Variants in CD2AP observed in about 807,000 individuals in gnomAD.
CD2AP encodes the protein CD2 associated protein.
In CD2AP, 46 loss-of-function variants were observed where a neutral mutation model predicts 85.1. That is an observed-to-expected ratio of 0.54 (90% confidence interval 0.43 to 0.69). The LOEUF is 0.69. CD2AP is among the 30% of genes least tolerant of loss of function. The pLI is 0.00. For synonymous variants in CD2AP, 255 were observed against 252.9 expected (o/e 1.01, Z -0.08); for missense variants, 769 against 729.5 (o/e 1.05, Z -0.62).
intron 11 of CD2AP, among the ~76,000 whole-genome samples, chr6:47,590,474 C>T (rs1367278028): frequency 1.3e-5 from 2 of 152,030 alleles, no homozygotes; most frequent in Admixed American, 6.6e-5. Context: ...ATATGGTTGA[C>T]TCTTGAACAA....
In CD2AP at chr6:47,540,953, G is replaced by GT. The variant is rs761464567; in HGVS notation, c.320-3652dup. On this transcript the variant is annotated intron_variant, in intron 3 of 17. Transcript: ENST00000359314. The stretch of plus-strand genomic sequence containing the variant: ...AAGGTCACTGGAACAACTTGCAAAG[G>GT]TATTTAGGGACACTATATTTCAAGA... Among the ~76,000 whole-genome samples, 6 of 152,270 alleles carry GT rather than the reference G, an allele frequency of 3.9e-5. No homozygotes were observed. In the East Asian group the frequency reaches 7.7e-4, roughly 20 times the overall value.
intron 4 of CD2AP, among the ~76,000 whole-genome samples, chr6:47,545,701 G>C (rs1767347726): frequency 6.6e-6 from 1 of 152,206 alleles, no homozygotes; most frequent in African/African-American, 2.4e-5. Flanking sequence ...GGGACTCTGT[G>C]CAGACAACCC....
intron 6 of CD2AP, 66 bp downstream of exon 6, chr6:47,574,317 A>G: frequency 6.9e-7 from 1 of 1,451,254 alleles, no homozygotes; most frequent in Non-Finnish European, 9.7e-7. Flanking sequence ...TTAAAATGTA[A>G]AAGTCAGTTT....
chr6:47,510,688 A>C (rs962937942), intron 2 of CD2AP, among the ~76,000 whole-genome samples: 1 of 152,354 alleles, frequency 6.6e-6, no homozygotes, highest in Non-Finnish European at 1.5e-5. Context: ...AATTGAAACA[A>C]AAATTCCAAG....
intron 3 of CD2AP, among the ~76,000 whole-genome samples, chr6:47,542,017 A>G (rs558193969): frequency 6.6e-6 from 1 of 152,360 alleles, no homozygotes; most frequent in African/African-American, 2.4e-5. Flanking sequence ...TTGCTCTAGA[A>G]TATCTGCCAC....
At chr6:47,593,383 A>G (rs1486891174) in intron 11 of CD2AP, among the ~76,000 whole-genome samples, 1 of 152,142 alleles carries the variant, frequency 6.6e-6, no homozygotes, top group Non-Finnish European at 1.5e-5. Flanking sequence ...TTAACAACAA[A>G]AAGACAAACC....
intron 13 of CD2AP, among the ~76,000 whole-genome samples, chr6:47,605,066 T>G (rs902890325): frequency 2.6e-5 from 4 of 152,050 alleles, no homozygotes; most frequent in African/African-American, 9.7e-5. Flanking sequence ...TCTTTAGATC[T>G]TTTTAAAGAA....
chr6:47,589,551 T>TACACACAC (rs112763182), intron 11 of CD2AP, among the ~76,000 whole-genome samples: 1 of 130,884 alleles, frequency 7.6e-6, no homozygotes, highest in Non-Finnish European at 1.7e-5. Flanking sequence ...CACATATATA[T>TACACACAC]ACACACACAC....
At position 47,625,443 on chromosome 6, in the gene CD2AP, C is replaced by A. The variant is rs960518566; in HGVS notation, c.*1216C>A. 1 of 151,856 alleles carries A rather than the reference C, an allele frequency of 6.6e-6. No individual in the cohort carries two copies. Among genetic ancestry groups the A allele is most frequent in the Non-Finnish European group, 1.5e-5 (1 of 67,800 alleles). 9.4% of individuals were successfully genotyped at this position (151,856 alleles called of 1,614,324 possible). A position where few individuals can be genotyped will look rare whatever the true frequency, so the allele number is the denominator to read the frequency against. The stretch of plus-strand genomic sequence containing the variant: ...TGAACATATTTAAAATACATTTTCA[C>A]AGAATGGATGAATTAGTTGTTTCTT... On this transcript the variant is annotated 3_prime_UTR_variant, in exon 18 of 18. Coordinates refer to ENST00000359314, the MANE Select transcript of CD2AP (RefSeq NM_012120.3).
At chr6:47,589,403 TAC>T (rs996259546) in intron 11 of CD2AP, among the ~76,000 whole-genome samples, 16 of 13,976 alleles carry the variant, frequency 1.1e-3, no homozygotes, top group African/African-American at 2.2e-3. Flanking sequence ...CAAATGTATA[TAC>T]ACACACATAT....
In CD2AP at chr6:47,624,310, G is replaced by T. The variant is rs1389506829; in HGVS notation, c.*83G>T. On this transcript the variant is annotated 3_prime_UTR_variant, in exon 18 of 18. Coordinates refer to ENST00000359314, the MANE Select transcript of CD2AP (RefSeq NM_012120.3). ...TCAGCTGACTTGTTACTTAAAAATT[G>T]TGAATTCTGTTGTTGTGATAAATAT... The T allele has an allele frequency of 4.8e-6, 5 of 1,049,784 alleles. No homozygotes were observed. The East Asian group carries it at 9.5e-5, about 20-fold the overall frequency. The allele number at this position is 1,049,784 out of a possible 1,614,324, so 65.0% of individuals were successfully genotyped here. A position where few individuals can be genotyped will look rare whatever the true frequency, so the allele number is the denominator to read the frequency against.
chr6:47,618,766 T>G (rs1205456602), intron 17 of CD2AP, among the ~76,000 whole-genome samples: 2 of 152,216 alleles, frequency 1.3e-5, no homozygotes, highest in African/African-American at 4.8e-5. Flanking sequence ...AAATTGTTTC[T>G]CTTTTGGATA....
At chr6:47,530,806 T>C (rs960090801) in intron 2 of CD2AP, among the ~76,000 whole-genome samples, 1 of 152,224 alleles carries the variant, frequency 6.6e-6, no homozygotes, top group Non-Finnish European at 1.5e-5. Flanking sequence ...AGTACAAATA[T>C]AAATTTACTT....
At chr6:47,524,686 T>C (rs1320234986) in intron 2 of CD2AP, among the ~76,000 whole-genome samples, 2 of 152,136 alleles carry the variant, frequency 1.3e-5, no homozygotes, top group East Asian at 1.9e-4. Flanking sequence ...TAGGATGCCA[T>C]TGACAGTGAA....
At chr6:47,547,823 ACT>A (rs1402594810) in intron 4 of CD2AP, among the ~76,000 whole-genome samples, 5 of 152,062 alleles carry the variant, frequency 3.3e-5, no homozygotes, top group Non-Finnish European at 7.4e-5. Context: ...TATATCAAGC[ACT>A]CTCTCACACC....
intron 11 of CD2AP, 81 bp from the exon 12 acceptor site, chr6:47,595,780 C>G: frequency 8.4e-7 from 1 of 1,193,150 alleles, no homozygotes; most frequent in African/African-American, 1.5e-5. Flanking sequence ...CACACTTTTC[C>G]AGCCTGATAC....
chr6:47,599,191 C>T (rs1769036581), intron 12 of CD2AP, 110 bp from the exon 13 acceptor site: 4 of 868,388 alleles, frequency 4.6e-6, no homozygotes, highest in South Asian at 4.4e-5. Context: ...TTTTACAGAA[C>T]AGAAAGTAAT....
intron 2 of CD2AP, among the ~76,000 whole-genome samples, chr6:47,530,506 T>C (rs1010570359): frequency 6.6e-6 from 1 of 152,230 alleles, no homozygotes; most frequent in African/African-American, 2.4e-5. Flanking sequence ...AATTGATAGA[T>C]TTTTTTGTGT....
intron 17 of CD2AP, among the ~76,000 whole-genome samples, chr6:47,618,256 G>T (rs540309349): frequency 1.3e-5 from 2 of 152,222 alleles, no homozygotes; most frequent in East Asian, 1.9e-4. Context: ...GGAGGCAGAG[G>T]TTGCTGTGAG....
Sources: allele counts gnomAD v4.1 joint callset (sites outside exome capture counted in the v4.1 genomes callset), GRCh38; gene constraint gnomAD v4.1.1; transcripts MANE v1.5; gene names NCBI Gene and HGNC (gene_info 2026-07-23, HGNC 2026-07-21).